Variants in SLCO3A1 observed in about 807,000 individuals in gnomAD.
The protein encoded by SLCO3A1 is solute carrier organic anion transporter family member 3A1.
In SLCO3A1, 27 loss-of-function variants were observed where a neutral mutation model predicts 63.1. The observed-to-expected ratio is 0.43, with a 90% CI of 0.32 to 0.59. SLCO3A1 has a LOEUF of 0.59. SLCO3A1 is among the 20% of genes least tolerant of loss of function. The pLI is 0.09. For missense variants in SLCO3A1, 773 were observed against 945.8 expected (o/e 0.82, Z 2.40); for synonymous variants, 473 against 409.9 (o/e 1.15, Z -1.86).
At chr15:92,156,944 A>G (rs1002205755) in intron 9 of SLCO3A1, among the ~76,000 whole-genome samples, 34 of 152,194 alleles carry the variant, frequency 2.2e-4, no homozygotes, top group Non-Finnish European at 7.4e-5. Context: ...CATTTCAACT[A>G]AGAGAGTAAA....
intron 2 of SLCO3A1, among the ~76,000 whole-genome samples, chr15:92,079,218 G>A (rs892088946): frequency 4.6e-5 from 7 of 152,154 alleles, no homozygotes; most frequent in Non-Finnish European, 7.3e-5. Flanking sequence ...CATGCATCTA[G>A]TACTCCATGC....
At chr15:92,079,959 G>A (rs770052193) in intron 2 of SLCO3A1, among the ~76,000 whole-genome samples, 3 of 152,256 alleles carry the variant, frequency 2.0e-5, no homozygotes, top group Non-Finnish European at 4.4e-5. Flanking sequence ...CAGAATGCGG[G>A]CCCTTCAGGA....
chr15:92,032,241 C>A (rs1234701296), intron 2 of SLCO3A1, among the ~76,000 whole-genome samples: 1 of 152,130 alleles, frequency 6.6e-6, no homozygotes, highest in Non-Finnish European at 1.5e-5. Flanking sequence ...ACACCATGTG[C>A]AGGCGTGTGG....
chr15:92,002,017 A>T (rs1184023187), intron 2 of SLCO3A1, among the ~76,000 whole-genome samples: 1 of 151,784 alleles, frequency 6.6e-6, no homozygotes, highest in Admixed American at 6.6e-5. Context: ...TCCTCTTTTC[A>T]TATTGCTCTT....
chr15:91,998,630 C>T (rs1347621778), intron 2 of SLCO3A1, among the ~76,000 whole-genome samples: 1 of 152,006 alleles, frequency 6.6e-6, no homozygotes, highest in Non-Finnish European at 1.5e-5. Context: ...TACCAAAAGT[C>T]AAAAAACAGC....
intron 1 of SLCO3A1, among the ~76,000 whole-genome samples, chr15:91,868,431 A>C (rs1897219451): frequency 6.7e-6 from 1 of 148,668 alleles, no homozygotes; most frequent in African/African-American, 2.5e-5. Flanking sequence ...GGTGTTGACA[A>C]TTTGGAAAAT....
At chr15:92,109,345 G>A (rs549890249) in intron 4 of SLCO3A1, among the ~76,000 whole-genome samples, 8 of 152,284 alleles carry the variant, frequency 5.3e-5, no homozygotes, top group African/African-American at 1.9e-4. Context: ...GCGTCAGCAG[G>A]TGCTGACTGA....
In SLCO3A1 at chr15:92,162,897, C is replaced by T. The variant is rs201208000; in HGVS notation, c.1895C>T (p.Ala632Val). 1.4e-5 allele frequency: 23 copies of T among 1,614,084 alleles called. No homozygotes were observed. Among genetic ancestry groups the T allele is most frequent in the East Asian group, 4.5e-5 (2 of 44,898 alleles). ...TACCTGTATGTCAGCATCGCCATCGCGCTCAAATCCTTCGCCTTCATCCTG... is the reference window on the plus strand; with the variant it reads ...TACCTGTATGTCAGCATCGCCATCGTGCTCAAATCCTTCGCCTTCATCCTG... ...YRYLYVSIAI[A>V]LKSFAFILYT... is the part of the protein sequence containing the mutation. Residue 632 changes from alanine to valine, a missense_variant, in exon 10 of 10, where the codon GCG (alanine) becomes GTG (valine). By Grantham distance (64) the Ala-to-Val change is moderately conservative. Coordinates refer to ENST00000318445, the MANE Select transcript of SLCO3A1 (RefSeq NM_013272.4).
intron 1 of SLCO3A1, among the ~76,000 whole-genome samples, chr15:91,869,163 G>T (rs370698130): frequency 6.6e-6 from 1 of 152,144 alleles, no homozygotes; most frequent in Non-Finnish European, 1.5e-5. Context: ...TACTTTGGAA[G>T]GCTGAAGTGG....
intron 2 of SLCO3A1, among the ~76,000 whole-genome samples, chr15:92,061,952 G>A (rs982869641): frequency 2.6e-5 from 4 of 152,166 alleles, no homozygotes; most frequent in Non-Finnish European, 4.4e-5. Flanking sequence ...TGGCAGTCAC[G>A]CATCTGCCAC....
chr15:91,910,166 C>T (rs573806618), intron 1 of SLCO3A1, among the ~76,000 whole-genome samples: 7 of 152,308 alleles, frequency 4.6e-5, no homozygotes, highest in East Asian at 3.9e-4. Context: ...GCCTCCTTGA[C>T]GCCACTGATC....
At chr15:91,911,876 C>T (rs1477018087) in intron 1 of SLCO3A1, among the ~76,000 whole-genome samples, 1 of 152,166 alleles carries the variant, frequency 6.6e-6, no homozygotes, top group Admixed American at 6.5e-5. Flanking sequence ...CCGCCTGCCT[C>T]AGCCTCCCAA....
chr15:92,141,298 C>T (rs1193381871), intron 7 of SLCO3A1, among the ~76,000 whole-genome samples: 1 of 152,178 alleles, frequency 6.6e-6, no homozygotes, highest in South Asian at 2.1e-4. Context: ...ATTCTGCAAT[C>T]ATAAACTAAT....
intron 2 of SLCO3A1, among the ~76,000 whole-genome samples, chr15:91,972,776 C>T (rs1239585649): frequency 6.6e-6 from 1 of 152,158 alleles, no homozygotes; most frequent in Non-Finnish European, 1.5e-5. Flanking sequence ...CTGCCTCGGT[C>T]CTCCAGGTTT....
intron 8 of SLCO3A1, among the ~76,000 whole-genome samples, chr15:92,150,192 T>C (rs543009596): frequency 1.5e-4 from 23 of 152,280 alleles, no homozygotes; most frequent in Admixed American, 1.3e-3. Context: ...GAGAAAGATG[T>C]AGGTTGGAAG....
chr15:91,951,459 C>T (rs1275059284), intron 2 of SLCO3A1, among the ~76,000 whole-genome samples: 1 of 152,092 alleles, frequency 6.6e-6, no homozygotes, highest in Admixed American at 6.6e-5. Context: ...ATTCATCGGT[C>T]AGTGAACATT....
chr15:91,917,758 C>A (rs1465653508), intron 2 of SLCO3A1, among the ~76,000 whole-genome samples: 1 of 152,152 alleles, frequency 6.6e-6, no homozygotes, highest in Admixed American at 6.5e-5. Context: ...ATTTTTCTTT[C>A]ATTGCCTTAA....
At position 91,880,170 on chromosome 15, in the gene SLCO3A1, C is replaced by CATCTATCTATCTATCT. The variant is rs57860021; in HGVS notation, c.180+26094_180+26109dup. On this transcript the variant is annotated intron_variant, in intron 1 of 9. Coordinates refer to ENST00000318445, the MANE Select transcript of SLCO3A1 (RefSeq NM_013272.4). ...CCATCCATCCATCCATCCATCCATC[C>CATCTATCTATCTATCT]ATCTATCTATCTATCTATCTATCTA... Among the ~76,000 whole-genome samples, 273 of 126,244 alleles carry CATCTATCTATCTATCT rather than the reference C, an allele frequency of 2.2e-3. 6 individuals are homozygous for CATCTATCTATCTATCT. Among genetic ancestry groups the CATCTATCTATCTATCT allele is most frequent in the South Asian group, 0.013 (46 of 3,414 alleles). 82.8% of individuals were successfully genotyped at this position (126,244 alleles called of 152,430 possible).
At chr15:91,923,938 G>A (rs999785958) in intron 2 of SLCO3A1, among the ~76,000 whole-genome samples, 10 of 152,228 alleles carry the variant, frequency 6.6e-5, no homozygotes, top group African/African-American at 1.2e-4. Context: ...GGTGATGAAT[G>A]TCTCTGTGGC....
Sources: allele counts gnomAD v4.1 joint callset (sites outside exome capture counted in the v4.1 genomes callset), GRCh38; gene constraint gnomAD v4.1.1; transcripts MANE v1.5; gene names NCBI Gene and HGNC (gene_info 2026-07-23, HGNC 2026-07-21).